Variants in FOXP2 observed in about 807,000 individuals in gnomAD.
FOXP2 encodes forkhead box P2, also known as forkhead box protein P2.
A neutral mutation model predicts 115.8 loss-of-function variants in FOXP2; 12 were observed. The observed-to-expected ratio is 0.10, with a 90% CI of 0.07 to 0.17. The LOEUF (loss-of-function observed/expected upper bound fraction) is 0.17. Ranked by LOEUF, FOXP2 falls within the 10% of genes least tolerant of loss-of-function variation. The probability of loss-of-function intolerance (pLI) is 1.00; values close to 1 mark genes in which losing one functional copy is unlikely to be tolerated. For missense variants in FOXP2, 629 were observed against 843.5 expected, an observed-to-expected ratio of 0.75 and a Z score of 3.15; for synonymous variants, 328 against 297.7, an observed-to-expected ratio of 1.10 and a Z score of -1.05.
At chr7:114,315,405 C>G (rs1451637378) in intron 2 of FOXP2, among the ~76,000 whole-genome samples, 2 of 152,052 alleles carry the variant, frequency 1.3e-5, no homozygotes, top group Non-Finnish European at 1.5e-5. Flanking sequence ...TATCAGGCTC[C>G]TCGGTTTCTA....
chr7:114,089,452 CAT>C (rs1166391841), intron 1 of FOXP2, among the ~76,000 whole-genome samples: 1 of 151,880 alleles, frequency 6.6e-6, no homozygotes, highest in Non-Finnish European at 1.5e-5. Flanking sequence ...GAAACATAGA[CAT>C]ATATTAATTA....
intron 1 of FOXP2, among the ~76,000 whole-genome samples, chr7:114,203,206 C>T (rs1794116728): frequency 6.6e-6 from 1 of 152,222 alleles, no homozygotes; most frequent in Non-Finnish European, 1.5e-5. Context: ...AACCAAATCA[C>T]ATAATGCAGG....
Position 114,550,405 on chromosome 7 carries a change from C to G in FOXP2, c.258+15699C>G, listed in dbSNP as rs1044961013. Among the ~76,000 whole-genome samples, 3 of 152,102 alleles carry G rather than the reference C, an allele frequency of 2.0e-5. No homozygotes were observed. The South Asian group carries it at 6.2e-4, about 32-fold the overall frequency. On this transcript the variant is annotated intron_variant, in intron 3 of 16. Coordinates refer to ENST00000350908, the MANE Select transcript of FOXP2 (RefSeq NM_014491.4). ...TGCTGGGATTACAGGCGTGAGCCAC[C>G]GCACCCGGCCTCATCTTTCTTTTGA...
chr7:114,489,036 A>G (rs1435375961), intron 2 of FOXP2, among the ~76,000 whole-genome samples: 1 of 152,166 alleles, frequency 6.6e-6, no homozygotes, highest in East Asian at 1.9e-4. Flanking sequence ...CAGATGTTAT[A>G]TCTATTTCAG....
intron 2 of FOXP2, among the ~76,000 whole-genome samples, chr7:114,349,553 A>G (rs779397047): frequency 6.6e-6 from 1 of 152,112 alleles, no homozygotes; most frequent in Admixed American, 6.6e-5. Context: ...ATTGTATGAT[A>G]TTTAAAATAT....
chr7:114,088,118 T>A (rs1411552005), intron 1 of FOXP2: 1 of 141,780 alleles, frequency 7.1e-6, no homozygotes, highest in Non-Finnish European at 1.5e-5. Flanking sequence ...GTTCCCCCCA[T>A]CTAACCCCCC....
At chr7:114,581,331 A>G (rs912890920) in intron 3 of FOXP2, among the ~76,000 whole-genome samples, 5 of 151,824 alleles carry the variant, frequency 3.3e-5, no homozygotes, top group Admixed American at 3.3e-4. Context: ...CCACAGGCAC[A>G]AGCCACCATA....
At chr7:114,133,826 T>C (rs554353986) in intron 1 of FOXP2, among the ~76,000 whole-genome samples, 6 of 152,340 alleles carry the variant, frequency 3.9e-5, no homozygotes, top group African/African-American at 1.4e-4. Context: ...CCTCTCTTTG[T>C]AGATGGCTAC....
At chr7:114,666,414 T>G (rs1288947933) in intron 16 of FOXP2, 1 of 152,112 alleles carries the variant, frequency 6.6e-6, no homozygotes, top group Admixed American at 6.6e-5. Flanking sequence ...TATGAAATAT[T>G]TCAGTATTCT....
chr7:114,549,122 T>G (rs1045011164), intron 3 of FOXP2, among the ~76,000 whole-genome samples: 1 of 152,202 alleles, frequency 6.6e-6, no homozygotes, highest in Non-Finnish European at 1.5e-5. Flanking sequence ...CAAGGAAACC[T>G]TGCTTTCTCT....
chr7:114,442,689 A>G (rs372240872), intron 2 of FOXP2, among the ~76,000 whole-genome samples: 1 of 152,062 alleles, frequency 6.6e-6, no homozygotes, highest in Admixed American at 6.6e-5. Context: ...CCTGGGCTCA[A>G]GTGATCCACC....
chr7:114,598,283 C>G (rs1802832703), intron 3 of FOXP2, among the ~76,000 whole-genome samples: 1 of 151,840 alleles, frequency 6.6e-6, no homozygotes, highest in African/African-American at 2.4e-5. Flanking sequence ...TTCTCATACA[C>G]TTTCATATTT....
chr7:114,144,835 G>T (rs1792323457), intron 1 of FOXP2, among the ~76,000 whole-genome samples: 1 of 152,064 alleles, frequency 6.6e-6, no homozygotes, highest in Admixed American at 6.6e-5. Flanking sequence ...ACAGTAACAT[G>T]ATACAACAGA....
intron 1 of FOXP2, among the ~76,000 whole-genome samples, chr7:114,240,787 AT>A (rs999690383): frequency 5.9e-5 from 9 of 151,788 alleles, no homozygotes; most frequent in Non-Finnish European, 1.2e-4. Flanking sequence ...GTAAAGTTGG[AT>A]TTTTTTCTTT....
chr7:114,182,333 T>C (rs554130379), intron 1 of FOXP2, among the ~76,000 whole-genome samples: 2 of 152,156 alleles, frequency 1.3e-5, no homozygotes, highest in Non-Finnish European at 2.9e-5. Flanking sequence ...CAATACTGTC[T>C]TTTTAAAAAA....
chr7:114,215,693 A>T (rs1794469487), intron 1 of FOXP2, among the ~76,000 whole-genome samples: 1 of 151,860 alleles, frequency 6.6e-6, no homozygotes, highest in African/African-American at 2.4e-5. Context: ...CCTGGGCCTG[A>T]ATGGTACCTG....
intron 1 of FOXP2, among the ~76,000 whole-genome samples, chr7:114,134,885 A>C (rs1791996319): frequency 6.6e-6 from 1 of 152,220 alleles, no homozygotes; most frequent in South Asian, 2.1e-4. Context: ...ATCACAAATA[A>C]AATGGTGTCA....
intron 6 of FOXP2, among the ~76,000 whole-genome samples, chr7:114,640,809 T>C (rs920719687): frequency 3.9e-5 from 6 of 152,268 alleles, no homozygotes; most frequent in Admixed American, 3.3e-4. Flanking sequence ...ATTAAGAACA[T>C]AGATTTTGGA....
At chr7:114,653,710 GT>G (rs1278748371) in intron 9 of FOXP2, among the ~76,000 whole-genome samples, 1 of 152,024 alleles carries the variant, frequency 6.6e-6, no homozygotes, top group Non-Finnish European at 1.5e-5. Context: ...AGTGTTATTT[GT>G]TTTCTCTGAC....
Sources: allele counts gnomAD v4.1 joint callset (sites outside exome capture counted in the v4.1 genomes callset), GRCh38; gene constraint gnomAD v4.1.1; transcripts MANE v1.5; gene names NCBI Gene and HGNC (gene_info 2026-07-23, HGNC 2026-07-21).